FRMPD4: variants seen among roughly 807,000 people sequenced by gnomAD.
FRMPD4 encodes the protein FERM and PDZ domain containing 4, also known as FERM and PDZ domain-containing protein 4.
A neutral mutation model predicts 94.1 loss-of-function variants in FRMPD4; 22 were observed. That is an observed-to-expected ratio of 0.23 (90% CI 0.17 to 0.33). The LOEUF (loss-of-function observed/expected upper bound fraction) is 0.33, where lower values mean the gene tolerates loss of function less well. Among genes scored for constraint, FRMPD4 ranks in the 10% least tolerant of loss-of-function variants. FRMPD4 has a pLI of 1.00. For missense variants in FRMPD4, 1,111 were observed against 1,339.9 expected (o/e 0.83, Z 2.67); for synonymous variants, 631 against 548.6 (o/e 1.15, Z -2.10).
chrX:11,912,258 T>C (rs2147338036), intron 3 of FRMPD4, among the ~76,000 whole-genome samples: 1 of 112,455 alleles, frequency 8.9e-6, no homozygotes, highest in African/African-American at 3.2e-5. Flanking sequence ...AGCTCAGGCT[T>C]GGAATATTAC....
intron 1 of FRMPD4, among the ~76,000 whole-genome samples, chrX:12,258,771 T>A (rs374390087): frequency 3.6e-5 from 4 of 111,850 alleles, no homozygotes; most frequent in African/African-American, 1.3e-4. Context: ...ATCAGTGTAA[T>A]TGGGATATCT....
intron 2 of FRMPD4, among the ~76,000 whole-genome samples, chrX:12,546,498 T>C (rs996412977): frequency 3.6e-5 from 4 of 112,283 alleles, no homozygotes; most frequent in African/African-American, 1.3e-4. Context: ...TCTTTATTCC[T>C]CTTCTCTTAG....
intron 1 of FRMPD4, among the ~76,000 whole-genome samples, chrX:12,223,911 C>T (rs2056895572): frequency 8.9e-6 from 1 of 111,964 alleles, no homozygotes; most frequent in Non-Finnish European, 1.9e-5. Flanking sequence ...TTGCAGAATA[C>T]TTTAAAGCAT....
intron 1 of FRMPD4, among the ~76,000 whole-genome samples, chrX:11,851,247 TG>T (rs1389486139): frequency 8.9e-5 from 10 of 112,219 alleles, no homozygotes; most frequent in African/African-American, 2.9e-4. Flanking sequence ...AAATGGTTGT[TG>T]TTTTTTTAAA....
At chrX:11,858,740 T>C (rs1246834021) in intron 1 of FRMPD4, among the ~76,000 whole-genome samples, 1 of 111,008 alleles carries the variant, frequency 9.0e-6, no homozygotes, top group Non-Finnish European at 1.9e-5. Context: ...TCATCCTGTT[T>C]TACCCACAGA....
chrX:11,871,862 G>A (rs1489059500), intron 2 of FRMPD4, among the ~76,000 whole-genome samples: 1 of 112,018 alleles, frequency 8.9e-6, no homozygotes, highest in Non-Finnish European at 1.9e-5. Context: ...ACAAGGTGCA[G>A]CACAACAAAA....
At chrX:12,230,141 C>T (rs2056968025) in intron 1 of FRMPD4, among the ~76,000 whole-genome samples, 1 of 111,319 alleles carries the variant, frequency 9.0e-6, no homozygotes. Context: ...CTCACCCATG[C>T]ACTGCAATTC....
chrX:12,550,993 T>C (rs957687347), intron 2 of FRMPD4, among the ~76,000 whole-genome samples: 4 of 110,763 alleles, frequency 3.6e-5, no homozygotes, highest in African/African-American at 9.8e-5. Context: ...TATTTTTCTG[T>C]CTCCTGGAGA....
chrX:12,422,976 A>C (rs1280204279), intron 1 of FRMPD4, among the ~76,000 whole-genome samples: 1 of 111,240 alleles, frequency 9.0e-6, no homozygotes, highest in Non-Finnish European at 1.9e-5. Context: ...GTTCAAACTG[A>C]GCTGAGAATT....
intron 1 of FRMPD4, among the ~76,000 whole-genome samples, chrX:12,359,866 A>G (rs779640662): frequency 1.8e-5 from 2 of 111,294 alleles, no homozygotes; most frequent in Non-Finnish European, 3.8e-5. Flanking sequence ...TAGTTCATCT[A>G]TTGGAGGACA....
chrX:12,093,256 T>C (rs912111591), intron 3 of FRMPD4, among the ~76,000 whole-genome samples: 7 of 111,357 alleles, frequency 6.3e-5, no homozygotes, highest in Non-Finnish European at 1.3e-4. Flanking sequence ...AAGAGCTGCA[T>C]TGTTTGAAAA....
At chrX:11,838,732 G>A (rs1392675482) in intron 1 of FRMPD4, among the ~76,000 whole-genome samples, 4 of 111,088 alleles carry the variant, frequency 3.6e-5, no homozygotes, top group East Asian at 5.7e-4. Flanking sequence ...ACATAGAATC[G>A]TACAATATGT....
intron 1 of FRMPD4, among the ~76,000 whole-genome samples, chrX:11,824,563 C>T: frequency 9.0e-6 from 1 of 111,517 alleles, no homozygotes; most frequent in Middle Eastern, 4.7e-3. Flanking sequence ...CCAGACATTG[C>T]CAGACATCCC....
intron 4 of FRMPD4, among the ~76,000 whole-genome samples, chrX:12,662,308 C>T (rs975476435): frequency 9.1e-6 from 1 of 110,481 alleles, no homozygotes; most frequent in Non-Finnish European, 1.9e-5. Context: ...CCCATCAACC[C>T]ATCGCCTATA....
chrX:11,908,455 A>C (rs767236400), intron 3 of FRMPD4, among the ~76,000 whole-genome samples: 2 of 112,314 alleles, frequency 1.8e-5, no homozygotes, highest in Non-Finnish European at 3.8e-5. Context: ...ACCTCAAACT[A>C]ACAGAGTTAT....
chrX:11,845,221 A>G (rs982170225), intron 1 of FRMPD4, among the ~76,000 whole-genome samples: 5 of 111,994 alleles, frequency 4.5e-5, no homozygotes, highest in African/African-American at 6.5e-5. Flanking sequence ...TCCCCTCATT[A>G]TAGGTCCCTC....
intron 1 of FRMPD4, among the ~76,000 whole-genome samples, chrX:12,193,837 A>AGGAAGGAAGGAAAG (rs1555932801): frequency 1.7e-5 from 1 of 58,311 alleles, no homozygotes; most frequent in African/African-American, 6.8e-5. Flanking sequence ...GAGGGAAGGA[A>AGGAAGGAAGGAAAG]GAAAGAAAAG....
chrX:12,372,577 C>G (rs1267848252), intron 1 of FRMPD4, among the ~76,000 whole-genome samples: 1 of 112,516 alleles, frequency 8.9e-6, no homozygotes, highest in Non-Finnish European at 1.9e-5. Context: ...TCCCTACTAG[C>G]AGTATTTCCT....
intron 3 of FRMPD4, among the ~76,000 whole-genome samples, chrX:12,031,550 G>A (rs995897581): frequency 9.0e-6 from 1 of 111,466 alleles, no homozygotes; most frequent in Admixed American, 9.5e-5. Context: ...CACTTAGGAG[G>A]CATTTAGCAG....
Sources: allele counts gnomAD v4.1 joint callset (sites outside exome capture counted in the v4.1 genomes callset), GRCh38; gene constraint gnomAD v4.1.1; transcripts MANE v1.5; gene names NCBI Gene and HGNC (gene_info 2026-07-23, HGNC 2026-07-21).